The following PCNX2 variants were observed in gnomAD, a reference collection of about 807,000 sequenced individuals.
PCNX2 encodes the protein pecanex 2.
A neutral mutation model predicts 223.8 loss-of-function variants in PCNX2; 168 were observed. The ratio of observed to expected loss-of-function variants is 0.75; its 90% CI spans 0.66 to 0.85. The LOEUF (loss-of-function observed/expected upper bound fraction) is 0.85, where lower values mean the gene tolerates loss of function less well. Ranked by LOEUF, PCNX2 falls within the 40% of genes least tolerant of loss-of-function variation. PCNX2 has a pLI of 0.00. For synonymous variants in PCNX2, 1,006 were observed against 1,052.6 expected, an observed-to-expected ratio of 0.96 and a Z score of 0.86; for missense variants, 2,507 against 2,675.5, an observed-to-expected ratio of 0.94 and a Z score of 1.39.
chr1:233,196,367 G>A lies in PCNX2; in HGVS notation c.3066+2572C>T, dbSNP rs368759861. On this transcript the variant is annotated intron_variant, in intron 15 of 33. Coordinates refer to ENST00000258229, the MANE Select transcript of PCNX2 (RefSeq NM_014801.4). ...CCATAAAATAAATATTAGATAAATTGGACTTCATTGTAACTAAAAACTTCT... is the reference window on the plus strand; with the variant it reads ...CCATAAAATAAATATTAGATAAATTAGACTTCATTGTAACTAAAAACTTCT... Among the ~76,000 whole-genome samples, 114 of 151,616 alleles carry A rather than the reference G, an allele frequency of 7.5e-4. 1 individual carries two copies. In the South Asian group the frequency reaches 0.023, roughly 31 times the overall value.
intron 17 of PCNX2, among the ~76,000 whole-genome samples, chr1:233,176,275 G>A (rs891969366): frequency 6.6e-6 from 1 of 152,162 alleles, no homozygotes; most frequent in African/African-American, 2.4e-5. Flanking sequence ...AAGCTGTCCA[G>A]AGCCCTTATC....
chr1:233,139,424 G>A lies in PCNX2; in HGVS notation c.3659+290C>T, dbSNP rs1028966577. 2.6e-5 allele frequency among the ~76,000 whole-genome samples: 4 copies of A among 152,120 alleles called. No individual in the cohort carries two copies. Among genetic ancestry groups the A allele is most frequent in the Non-Finnish European group, 5.9e-5 (4 of 68,028 alleles). On this transcript the variant is annotated intron_variant, in intron 20 of 33. Transcript: ENST00000258229. The surrounding 1 kb of genome is among the most constrained non-coding windows in gnomAD (Gnocchi z 4.4). Reference sequence around the variant, plus strand: ...AATCCTGGACTCACACTGTGCTTCCGTCTTCTTATTAAGGCTCACTGACTA... The same window carrying A: ...AATCCTGGACTCACACTGTGCTTCCATCTTCTTATTAAGGCTCACTGACTA...
intron 9 of PCNX2, among the ~76,000 whole-genome samples, chr1:233,231,929 A>AC (rs1658087351): frequency 6.6e-6 from 1 of 152,076 alleles, no homozygotes; most frequent in South Asian, 2.1e-4. Context: ...TAGATATTCA[A>AC]CCCCCAGATG....
intron 21 of PCNX2, among the ~76,000 whole-genome samples, chr1:233,127,593 C>A (rs1342869757): frequency 6.6e-6 from 1 of 152,070 alleles, no homozygotes; most frequent in Non-Finnish European, 1.5e-5. Context: ...GCAGGGAAGG[C>A]AGTATCACAA....
chr1:233,131,349 G>A (rs1412448983), intron 21 of PCNX2, among the ~76,000 whole-genome samples: 1 of 151,794 alleles, frequency 6.6e-6, no homozygotes, highest in Non-Finnish European at 1.5e-5. Context: ...CTTCTAGAAA[G>A]CCCCTAGGAA....
intron 23 of PCNX2, among the ~76,000 whole-genome samples, chr1:233,080,401 A>AACACACACAC (rs10611197): frequency 7.1e-6 from 1 of 140,516 alleles, no homozygotes; most frequent in Non-Finnish European, 1.6e-5. Context: ...CACACACACA[A>AACACACACAC]ACACACACAC....
At chr1:233,187,320 A>G (rs1234295180) in intron 15 of PCNX2, among the ~76,000 whole-genome samples, 1 of 152,252 alleles carries the variant, frequency 6.6e-6, no homozygotes, top group Non-Finnish European at 1.5e-5. Context: ...AATGAACATC[A>G]GTAGGACAAT....
intron 21 of PCNX2, among the ~76,000 whole-genome samples, chr1:233,130,653 T>C (rs554487792): frequency 1.3e-5 from 2 of 151,518 alleles, no homozygotes; most frequent in Non-Finnish European, 2.9e-5. Flanking sequence ...CCCGGCTAAT[T>C]TTTGTATTTT....
intron 25 of PCNX2, among the ~76,000 whole-genome samples, chr1:233,050,316 T>C (rs1671957184): frequency 6.6e-6 from 1 of 150,460 alleles, no homozygotes; most frequent in African/African-American, 2.4e-5. Context: ...TTCACAGAGC[T>C]AGAAAAAAAC....
At chr1:233,073,029 G>GT (rs1672926200) in intron 23 of PCNX2, among the ~76,000 whole-genome samples, 1 of 152,224 alleles carries the variant, frequency 6.6e-6, no homozygotes, top group South Asian at 2.1e-4. Context: ...TTTGTAGGGA[G>GT]TTTTTTAAAA....
rs139813140 is a variant in PCNX2 at position 233,216,813 on chromosome 1, C to T, written c.2691+1086G>A. On this transcript the variant is annotated intron_variant, in intron 12 of 33. Transcript: ENST00000258229. Reference sequence around the variant, plus strand: ...AAGACATGGTATCAACCTAAATGTCCATCAACACATGAATGGATAAAGAAG... The same window carrying T: ...AAGACATGGTATCAACCTAAATGTCTATCAACACATGAATGGATAAAGAAG... Among the ~76,000 whole-genome samples the T allele has an allele frequency of 1.0e-3, 159 of 152,104 alleles. 4 individuals are homozygous for T. The East Asian group carries it at 0.03, about 29-fold the overall frequency.
At chr1:233,185,832 C>A (rs1680065877) in intron 15 of PCNX2, among the ~76,000 whole-genome samples, 1 of 152,180 alleles carries the variant, frequency 6.6e-6, no homozygotes, top group Non-Finnish European at 1.5e-5. Flanking sequence ...TGAGACACAT[C>A]TCATGGGCCT....
intron 23 of PCNX2, among the ~76,000 whole-genome samples, chr1:233,081,549 G>A (rs1289643223): frequency 2.0e-5 from 3 of 152,098 alleles, no homozygotes; most frequent in African/African-American, 7.2e-5. Flanking sequence ...GAAGCATCAG[G>A]AAGCCTCTCT....
the PCNX2 span, among the ~76,000 whole-genome samples, chr1:233,317,895 C>CCT: frequency 6.6e-6 from 1 of 152,198 alleles, no homozygotes; most frequent in Non-Finnish European, 1.5e-5. Flanking sequence ...GTAACAAAGG[C>CCT]GAAGCCAAGA....
intron 22 of PCNX2, among the ~76,000 whole-genome samples, chr1:233,091,280 C>T (rs936131823): frequency 6.6e-6 from 1 of 152,170 alleles, no homozygotes; most frequent in African/African-American, 2.4e-5. Flanking sequence ...ATCTCTCTCA[C>T]TGCTGAACTA....
the PCNX2 span, among the ~76,000 whole-genome samples, chr1:233,303,068 GTT>G: frequency 6.6e-6 from 1 of 151,942 alleles, no homozygotes; most frequent in Non-Finnish European, 1.5e-5. Context: ...CTTTCTATCA[GTT>G]AATGACAGAG....
rs938408330 is a variant in PCNX2, at chr1:233,172,375, G to A, written c.3273+5427C>T. ...ACCACGTTAAATGTCTTCATAAATT[G>A]AGGGATTTGGTGCCATCTAGTTGTT... is the stretch of plus-strand genomic sequence containing the variant. On this transcript the variant is annotated intron_variant, in intron 17 of 33. Transcript: ENST00000258229. The A allele has an allele frequency of 1.1e-5, 11 of 985,282 alleles. No individual in the cohort carries two copies. The Middle Eastern group carries it at 1.5e-3, about 139-fold the overall frequency. 61.0% of individuals were successfully genotyped at this position (985,282 alleles called of 1,614,324 possible).
rs1657079718 is a variant in PCNX2 at position 233,217,929 on chromosome 1, A to G, written c.2661T>C (p.Ser887=). 1 of 1,613,800 alleles carries G rather than the reference A, an allele frequency of 6.2e-7. No homozygotes were observed. ...MASCQYSLLK[S]VQPDPASPIH... The stretch of plus-strand genomic sequence containing the variant: ...TTGGTGAGGCGGGGTCAGGCTGAAC[A>G]CTCTAAAACACAAATCAGAAGTGTC... Residue 887 remains serine, a splice_region_variant and synonymous_variant, in exon 12 of 34, where the codon AGT becomes AGC. Transcript: ENST00000258229.
At chr1:233,087,262 G>A (rs774650709) in intron 23 of PCNX2, 5 of 964,344 alleles carry the variant, frequency 5.2e-6, no homozygotes, top group African/African-American at 1.8e-5. Context: ...AGGGAGCAGA[G>A]GTGAAAAGAA....
Sources: allele counts gnomAD v4.1 joint callset (sites outside exome capture counted in the v4.1 genomes callset), GRCh38; gene constraint gnomAD v4.1.1; non-coding constraint Gnocchi (gnomAD v3.1); transcripts MANE v1.5; gene names NCBI Gene and HGNC (gene_info 2026-07-23, HGNC 2026-07-21).